The following RP1 variants were observed in gnomAD, a reference collection of about 807,000 sequenced individuals.
RP1 encodes oxygen-regulated protein 1.
In RP1, 16 loss-of-function variants were observed where a neutral mutation model predicts 14.8. The observed-to-expected ratio is 1.08, with a 90% confidence interval of 0.73 to 1.65. The LOEUF is 1.65. Ranked by LOEUF, RP1 falls within the 40% of genes most tolerant of loss-of-function variation. The probability of loss-of-function intolerance (pLI) is 0.00; values close to 1 mark genes in which losing one functional copy is unlikely to be tolerated. For synonymous variants in RP1, 876 were observed against 883.6 expected, an observed-to-expected ratio of 0.99 and a Z score of 0.15; for missense variants, 2,631 against 2,535.0, an observed-to-expected ratio of 1.04 and a Z score of -0.81.
At chr8:54,617,972 G>A (rs1469924893) in intron 1 of RP1, among the ~76,000 whole-genome samples, 1 of 152,056 alleles carries the variant, frequency 6.6e-6, no homozygotes, top group Non-Finnish European at 1.5e-5. Context: ...TTTATCATAG[G>A]CTCTTAAGAC....
chr8:54,837,641 C>G (rs1021640737), exon 25 of RP1: 6 of 1,231,722 alleles, frequency 4.9e-6, no homozygotes, highest in Admixed American at 4.2e-5. Context: ...AAATACCCAT[C>G]ATGGGACCAA....
chr8:54,577,737 TTAGA>T (rs1377635149), intron 1 of RP1, among the ~76,000 whole-genome samples: 1 of 152,160 alleles, frequency 6.6e-6, no homozygotes, highest in African/African-American at 2.4e-5. Context: ...AAATGGATGC[TTAGA>T]TAGTTTAACT....
rs536576770 is a variant in RP1 at position 54,743,990 on chromosome 8, G to T, written c.2808+4961G>T. ...CACTGAGTTTTTCATTCCTCTCTTG[G>T]AAAGTCACAATGCAAATAAATATAG... On this transcript the variant is annotated intron_variant, in intron 19 of 22. Coordinates refer to the RP1 transcript ENST00000636932. 9.2e-5 allele frequency among the ~76,000 whole-genome samples: 14 copies of T among 152,226 alleles called. No homozygotes were observed. The South Asian group carries it at 1.7e-3, about 18-fold the overall frequency.
At chr8:54,598,714 T>C (rs1345141580) in intron 1 of RP1, among the ~76,000 whole-genome samples, 1 of 152,226 alleles carries the variant, frequency 6.6e-6, no homozygotes, top group Non-Finnish European at 1.5e-5. Flanking sequence ...CCTGCATTCC[T>C]CAAGGATATT....
At chr8:54,818,554 A>G (rs1490600181) in intron 24 of RP1, among the ~76,000 whole-genome samples, 1 of 152,232 alleles carries the variant, frequency 6.6e-6, no homozygotes, top group African/African-American at 2.4e-5. Flanking sequence ...TTGATGCAGA[A>G]GGACTTCTAA....
intron 3 of RP1, among the ~76,000 whole-genome samples, chr8:54,639,303 A>T (rs1015598967): frequency 1.3e-5 from 2 of 152,202 alleles, no homozygotes; most frequent in Non-Finnish European, 2.9e-5. Context: ...TACATACCAC[A>T]CTTTGTTTAT....
intron 19 of RP1, among the ~76,000 whole-genome samples, chr8:54,747,197 T>G (rs1478193294): frequency 2.6e-5 from 4 of 152,176 alleles, no homozygotes; most frequent in Non-Finnish European, 5.9e-5. Context: ...TATCCAGATT[T>G]CAAAGAGAAG....
At chr8:54,641,212 T>C (rs575557972) in intron 3 of RP1, among the ~76,000 whole-genome samples, 18 of 152,294 alleles carry the variant, frequency 1.2e-4, no homozygotes, top group Admixed American at 3.9e-4. Flanking sequence ...CCTGAAGTGC[T>C]GGGATTACAG....
intron 25 of RP1, among the ~76,000 whole-genome samples, chr8:54,851,823 G>A (rs532689646): frequency 2.6e-5 from 4 of 152,264 alleles, no homozygotes; most frequent in African/African-American, 9.6e-5. Context: ...TCATGTCTGA[G>A]TTCTTCGGAA....
At chr8:54,711,831 A>C (rs924711754) in intron 15 of RP1, among the ~76,000 whole-genome samples, 10 of 152,210 alleles carry the variant, frequency 6.6e-5, no homozygotes, top group African/African-American at 2.4e-4. Flanking sequence ...CATAACAAAA[A>C]AACAGATTAA....
intron 12 of RP1, among the ~76,000 whole-genome samples, chr8:54,685,635 A>G (rs1455321644): frequency 1.3e-5 from 2 of 152,156 alleles, no homozygotes; most frequent in Non-Finnish European, 2.9e-5. Flanking sequence ...ACACAGCACA[A>G]ATTCATGAAC....
Position 54,797,530 on chromosome 8 carries a change from AACAC to A in RP1, c.3615+13845_3615+13848del, listed in dbSNP as rs3077304. On this transcript the variant is annotated intron_variant, in intron 24 of 28. Transcript: ENST00000637698. ...AGCTGAACTGAGTCACATAGGACTA[AACAC>A]ACACACACACACACACACACACACC... Among the ~76,000 whole-genome samples the A allele has an allele frequency of 3.6e-4, 54 of 148,396 alleles. No individual in the cohort carries two copies. The East Asian group carries it at 7.6e-3, about 21-fold the overall frequency.
At chr8:54,719,828 A>G (rs1221492243) in intron 15 of RP1, among the ~76,000 whole-genome samples, 1 of 152,246 alleles carries the variant, frequency 6.6e-6, no homozygotes, top group African/African-American at 2.4e-5. Context: ...ATTCACCCAT[A>G]GAGGTGAGCA....
chr8:54,784,900 T>G (rs1585689682), intron 24 of RP1, among the ~76,000 whole-genome samples: 2 of 152,162 alleles, frequency 1.3e-5, no homozygotes, highest in Admixed American at 1.3e-4. Flanking sequence ...ATCATAACAT[T>G]CATTCATTTT....
At chr8:54,614,620 G>A (rs145911582), upstream of RP1, among the ~76,000 whole-genome samples, 440 of 152,326 alleles carry the variant, frequency 2.9e-3, 1 homozygote, top group Non-Finnish European at 4.9e-3. Context: ...AGGGATACCT[G>A]GTCTCTGTCC....
intron 8 of RP1, among the ~76,000 whole-genome samples, chr8:54,677,977 G>GT (rs1807333865): frequency 6.6e-6 from 1 of 152,054 alleles, no homozygotes; most frequent in South Asian, 2.1e-4. Context: ...TGTGTACCAG[G>GT]TGAGTCTATG....
chr8:54,850,137 C>T (rs927041971), intron 25 of RP1, among the ~76,000 whole-genome samples: 1 of 152,098 alleles, frequency 6.6e-6, no homozygotes, highest in African/African-American at 2.4e-5. Flanking sequence ...GGATAACCAA[C>T]AACAAATCTA....
intron 3 of RP1, among the ~76,000 whole-genome samples, chr8:54,639,650 A>G (rs943398264): frequency 1.1e-4 from 17 of 152,164 alleles, no homozygotes; most frequent in Admixed American, 5.9e-4. Flanking sequence ...TCTAATGACT[A>G]TTGATGTTGG....
At position 54,625,807 on chromosome 8, in the gene RP1, T is replaced by G. The variant is rs1806027333; in HGVS notation, c.1925T>G (p.Ile642Ser). ...SEASSTVTAR[I>S]DRLINEFAQC... Reference sequence around the variant, plus strand: ...GCATCCTCTACTGTCACTGCAAGAATTGACAGACTAATTAATGAATTTGCT... The same window carrying G: ...GCATCCTCTACTGTCACTGCAAGAAGTGACAGACTAATTAATGAATTTGCT... The change falls in exon 4 of 4, where the codon ATT becomes AGT. Residue 642 changes from isoleucine to serine, a missense_variant. Ile to Ser is a moderately radical substitution (Grantham distance 142). Transcript: ENST00000220676. The G allele has an allele frequency of 6.2e-7, 1 of 1,613,312 alleles. No individual in the cohort carries two copies. The highest frequency in any genetic ancestry group is 1.3e-5 in the African/African-American group (1 of 74,906).
Sources: allele counts gnomAD v4.1 joint callset (sites outside exome capture counted in the v4.1 genomes callset), GRCh38; gene constraint gnomAD v4.1.1; transcripts MANE v1.5; gene names NCBI Gene and HGNC (gene_info 2026-07-23, HGNC 2026-07-21).